ABCC11: variants seen among roughly 807,000 people sequenced by gnomAD.
ABCC11 encodes ATP binding cassette subfamily C member 11.
ABCC11 carries 135 observed loss-of-function variants against 149.3 expected under a neutral mutation model. The ratio of observed to expected loss-of-function variants is 0.90; its 90% CI spans 0.79 to 1.04. The LOEUF (loss-of-function observed/expected upper bound fraction) is 1.04, where lower values mean the gene tolerates loss of function less well. ABCC11 is among the 50% of genes least tolerant of loss of function. The pLI is 0.00. For synonymous variants in ABCC11, 665 were observed against 671.4 expected, an observed-to-expected ratio of 0.99 and a Z score of 0.15; for missense variants, 1,680 against 1,722.1, an observed-to-expected ratio of 0.98 and a Z score of 0.43.
Position 48,196,232 on chromosome 16 carries a change from C to CT in ABCC11, c.2403dup (p.Gly802ArgfsTer38). 1 of 1,614,068 alleles carries CT rather than the reference C, an allele frequency of 6.2e-7. No individual in the cohort carries two copies. The highest frequency in any genetic ancestry group is 8.5e-7 in the Non-Finnish European group (1 of 1,179,972). On this transcript the variant is annotated frameshift_variant and splice_region_variant, in exon 18 of 30. Transcript: ENST00000356608. LOFTEE classifies it high-confidence loss of function. Reference sequence around the variant, plus strand: ...CCCTGGGCTGGCATGGGGACCGTACCTCCAGCTGCCTGGATGTAGTGGTGG... The same window carrying CT: ...CCCTGGGCTGGCATGGGGACCGTACCTTCCAGCTGCCTGGATGTAGTGGTGG...
chr16:48,178,858 G>C (rs535145586), intron 23 of ABCC11, among the ~76,000 whole-genome samples, 172 bp from the exon 24 acceptor site: 1 of 152,260 alleles, frequency 6.6e-6, no homozygotes, highest in Non-Finnish European at 1.5e-5. Flanking sequence ...GCCCACTTCT[G>C]AGTTTAGCTG....
At position 48,177,043 on chromosome 16, in the gene ABCC11, TC is replaced by T; in HGVS notation, c.3418del (p.Glu1140LysfsTer9). ...SCPQGWPQHG[E>X]IIFQDYHMKY... Reference sequence around the variant, plus strand: ...CATGTGATAATCCTGAAATATGATTTCCCCATGCTGTGGCCACCCCTGGGGA... The same window carrying T: ...CATGTGATAATCCTGAAATATGATTTCCCATGCTGTGGCCACCCCTGGGGA... On this transcript the variant is annotated frameshift_variant, in exon 25 of 30. Coordinates refer to ENST00000356608, the MANE Select transcript of ABCC11 (RefSeq NM_001370497.1). LOFTEE classifies it high-confidence loss of function. 6.2e-7 allele frequency: 1 copy of T among 1,614,228 alleles called. No individual in the cohort carries two copies. The highest frequency in any genetic ancestry group is 8.5e-7 in the Non-Finnish European group (1 of 1,180,028).
At chr16:48,174,423 C>A (rs1965905205) in intron 26 of ABCC11, among the ~76,000 whole-genome samples, 1 of 152,206 alleles carries the variant, frequency 6.6e-6, no homozygotes, top group South Asian at 2.1e-4. Context: ...GGGGACCTAG[C>A]CTGCTTTTTA....
At chr16:48,224,226 A>G (rs906249526) in intron 5 of ABCC11, 56 bp downstream of exon 5, 3 of 1,569,110 alleles carry the variant, frequency 1.9e-6, no homozygotes, top group South Asian at 2.3e-5. Flanking sequence ...CCGCAGTTCC[A>G]TCGCTAAACC....
chr16:48,242,052 A>C (rs554231436), intron 1 of ABCC11, among the ~76,000 whole-genome samples: 222 of 152,334 alleles, frequency 1.5e-3, no homozygotes, highest in African/African-American at 5.0e-3. Context: ...AATGGGATCT[A>C]ATTAAACTAA....
At position 48,175,295 on chromosome 16, in the gene ABCC11, T is replaced by A. The variant is rs1212380305; in HGVS notation, c.3661A>T (p.Ile1221Phe). 1.2e-5 allele frequency: 19 copies of A among 1,614,010 alleles called. No homozygotes were observed. The highest frequency in any genetic ancestry group is 1.5e-5 in the Non-Finnish European group (18 of 1,179,886). The change falls in exon 26 of 30, where the codon ATC becomes TTC. Residue 1221 changes from isoleucine (I) to phenylalanine (F), a missense_variant. Physicochemically the swap from Ile to Phe is conservative, Grantham distance 21 (BLOSUM62 0). Transcript: ENST00000356608. The part of the protein sequence containing the change: ...LEDLRSKLSV[I>F]PQDPVLLSGT... ...GAGAGCAGCACTGGATCTTGAGGGA[T>A]CACTGAGAGCTTGGACCGCAAGTCC... is the stretch of plus-strand genomic sequence containing the variant.
Position 48,167,056 on chromosome 16 carries a change from A to C in ABCC11, c.*218T>G. On this transcript the variant is annotated 3_prime_UTR_variant, in exon 30 of 30. Transcript: ENST00000356608. ...GAGAACCACATGATCACTGAATCCCATGTCTTAGATGGTTCTGGGGTTCTA... is the reference window on the plus strand; with the variant it reads ...GAGAACCACATGATCACTGAATCCCCTGTCTTAGATGGTTCTGGGGTTCTA... The C allele has an allele frequency of 1.8e-6, 1 of 553,854 alleles. No individual in the cohort carries two copies. The allele number at this position is 553,854 out of a possible 1,614,324, so 34.3% of individuals were successfully genotyped here.
chr16:48,195,832 T>C (rs1474273565), intron 18 of ABCC11, among the ~76,000 whole-genome samples: 2 of 152,084 alleles, frequency 1.3e-5, no homozygotes, highest in Admixed American at 1.3e-4. Flanking sequence ...TTGTAAAACC[T>C]GCTAAGGGAG....
chr16:48,220,612 C>T (rs1043983435), intron 6 of ABCC11, among the ~76,000 whole-genome samples: 1 of 152,182 alleles, frequency 6.6e-6, no homozygotes, highest in Non-Finnish European at 1.5e-5. Context: ...TCACTGAATC[C>T]TATGAGACAA....
At chr16:48,238,144 C>T (rs1970776156) in intron 1 of ABCC11, among the ~76,000 whole-genome samples, 1 of 152,090 alleles carries the variant, frequency 6.6e-6, no homozygotes, top group South Asian at 2.1e-4. Context: ...GAATATTAAG[C>T]AATGTGAAAA....
intron 1 of ABCC11, among the ~76,000 whole-genome samples, chr16:48,234,238 C>T (rs1415629913): frequency 6.6e-6 from 1 of 152,092 alleles, no homozygotes; most frequent in Admixed American, 6.5e-5. Context: ...CTGTTTCTAC[C>T]ATAGAGATAT....
At chr16:48,170,322 C>T in intron 27 of ABCC11, 104 bp from the exon 28 acceptor site, 1 of 839,606 alleles carries the variant, frequency 1.2e-6, no homozygotes, top group Non-Finnish European at 2.0e-6. Flanking sequence ...CTGCCCTCCT[C>T]TCTCTACGCT....
rs138528361 is a variant in ABCC11 at position 48,181,457 on chromosome 16, C to T, written c.3259-2771G>A. 6.0e-3 allele frequency among the ~76,000 whole-genome samples: 918 copies of T among 152,280 alleles called. 4 individuals carry two copies. The highest frequency in any genetic ancestry group is 0.011 in the Non-Finnish European group (755 of 68,024). ...CTAGGTTTTTACAAACATTAAGTCT[C>T]ACATTTACACATAATCCTCACAAGT... On this transcript the variant is annotated intron_variant, in intron 23 of 29. Coordinates refer to ENST00000356608, the MANE Select transcript of ABCC11 (RefSeq NM_001370497.1).
At chr16:48,177,267 C>T (rs576765645) in intron 24 of ABCC11, among the ~76,000 whole-genome samples, 154 bp from the exon 25 acceptor site, 59 of 152,338 alleles carry the variant, frequency 3.9e-4, no homozygotes, top group African/African-American at 1.3e-3. Context: ...AGAGGAACAT[C>T]GCCCGTGCCC....
chr16:48,181,983 G>C (rs74016305), intron 23 of ABCC11, among the ~76,000 whole-genome samples: 2,504 of 152,272 alleles, frequency 0.016, 62 homozygotes, highest in African/African-American at 0.057. Flanking sequence ...CTGGAAGAGA[G>C]CACGGCCAGT....
chr16:48,218,395 A>C (rs779131383), intron 6 of ABCC11, among the ~76,000 whole-genome samples: 1 of 152,218 alleles, frequency 6.6e-6, no homozygotes, highest in African/African-American at 2.4e-5. Context: ...CTAGATGTGC[A>C]ACCATAGACA....
intron 22 of ABCC11, 100 bp from the exon 23 acceptor site, chr16:48,184,726 C>A: frequency 8.2e-7 from 1 of 1,213,254 alleles, no homozygotes; most frequent in Non-Finnish European, 1.2e-6. Flanking sequence ...ATCCAGTTCC[C>A]CACTCCCAGC....
chr16:48,180,373 G>A (rs1350413817), intron 23 of ABCC11, among the ~76,000 whole-genome samples: 1 of 152,194 alleles, frequency 6.6e-6, no homozygotes, highest in Non-Finnish European at 1.5e-5. Context: ...AATACAGACA[G>A]ACTTGCAGAC....
chr16:48,217,051 G>T (rs1393363268), intron 6 of ABCC11, among the ~76,000 whole-genome samples: 3 of 152,202 alleles, frequency 2.0e-5, no homozygotes, highest in African/African-American at 7.2e-5. Context: ...CTGGACTCCT[G>T]TCTCCTTGTG....
Sources: allele counts gnomAD v4.1 joint callset (sites outside exome capture counted in the v4.1 genomes callset), GRCh38; gene constraint gnomAD v4.1.1; transcripts MANE v1.5; gene names NCBI Gene and HGNC (gene_info 2026-07-23, HGNC 2026-07-21).